The following PTPRT variants were observed in gnomAD, a reference collection of about 807,000 sequenced individuals.
PTPRT encodes the protein receptor-type tyrosine-protein phosphatase T.
A neutral mutation model predicts 176.8 loss-of-function variants in PTPRT; 56 were observed. The observed-to-expected ratio is 0.32, with a 90% confidence interval of 0.26 to 0.40. The LOEUF is 0.40. Ranked by LOEUF, PTPRT falls within the 10% of genes least tolerant of loss-of-function variation. PTPRT has a pLI of 1.00. For synonymous variants in PTPRT, 783 were observed against 739.0 expected, an observed-to-expected ratio of 1.06 and a Z score of -0.96; for missense variants, 1,540 against 1,908.2, an observed-to-expected ratio of 0.81 and a Z score of 3.60.
chr20:42,304,992 C>T (rs2057522729), intron 12 of PTPRT, among the ~76,000 whole-genome samples: 1 of 152,188 alleles, frequency 6.6e-6, no homozygotes, highest in Non-Finnish European at 1.5e-5. Context: ...CGCTAACCAC[C>T]TATACTAGGC....
At chr20:43,098,470 T>C (rs1346132334) in intron 1 of PTPRT, among the ~76,000 whole-genome samples, 1 of 152,088 alleles carries the variant, frequency 6.6e-6, no homozygotes, top group Non-Finnish European at 1.5e-5. Context: ...GAGTGCCAGG[T>C]AACTAAGTAT....
intron 26 of PTPRT, 95 bp from the exon 27 acceptor site, chr20:42,098,647 C>T (rs555123917): frequency 1.1e-5 from 17 of 1,510,406 alleles, no homozygotes; most frequent in Non-Finnish European, 1.4e-5. Flanking sequence ...GGCTCCAGAG[C>T]CTGCCAAATA....
At chr20:42,591,867 A>G (rs1366292612) in intron 7 of PTPRT, among the ~76,000 whole-genome samples, 1 of 152,088 alleles carries the variant, frequency 6.6e-6, no homozygotes, top group Non-Finnish European at 1.5e-5. Flanking sequence ...TTAAATGAGA[A>G]TAATGTATAT....
chr20:42,205,813 G>A (rs1021371417), intron 15 of PTPRT, among the ~76,000 whole-genome samples: 2 of 152,010 alleles, frequency 1.3e-5, no homozygotes, highest in Non-Finnish European at 2.9e-5. Context: ...TCAGCCATAG[G>A]AAGTGGACCA....
rs567374501 is a variant in PTPRT, at chr20:42,785,667, G to C, written c.487-5368C>G. On this transcript the variant is annotated intron_variant, in intron 3 of 30. Transcript: ENST00000373187. The stretch of plus-strand genomic sequence containing the variant: ...GCTCTCAGCCAAGGAAATGCAATGA[G>C]GCTGTAGTAGCCAATAAGGTGCAAA... Among the ~76,000 whole-genome samples, 6 of 152,320 alleles carry C rather than the reference G, an allele frequency of 3.9e-5. No individual in the cohort carries two copies. The East Asian group carries it at 1.2e-3, about 29-fold the overall frequency.
chr20:42,607,954 G>A (rs1439791525), intron 7 of PTPRT, among the ~76,000 whole-genome samples: 1 of 152,134 alleles, frequency 6.6e-6, no homozygotes, highest in African/African-American at 2.4e-5. Context: ...TGGACCAGAA[G>A]CAATGACACT....
In PTPRT at chr20:42,159,767, A is replaced by G. The variant is rs564242721; in HGVS notation, c.2682+1585T>C. Among the ~76,000 whole-genome samples, 258 of 152,322 alleles carry G rather than the reference A, an allele frequency of 1.7e-3. 2 individuals are homozygous for G. Among genetic ancestry groups the G allele is most frequent in the African/African-American group, 5.9e-3 (246 of 41,564 alleles). ...CATTTTTGTTCTTATAAATATGTCA[A>G]ACATGCCCCTTGTCACCATGTTTTA... On this transcript the variant is annotated intron_variant, in intron 17 of 30. Coordinates refer to ENST00000373187, the MANE Select transcript of PTPRT (RefSeq NM_007050.6).
In PTPRT at chr20:42,287,130, T is replaced by C. The variant is rs1313242827; in HGVS notation, c.2140-4605A>G. On this transcript the variant is annotated intron_variant, in intron 12 of 30. Coordinates refer to ENST00000373187, the MANE Select transcript of PTPRT (RefSeq NM_007050.6). ...CAGAAAAGGGAACTCTTATACATTG[T>C]TGATGGGAATGTAAACTAGTTCAGC... Among the ~76,000 whole-genome samples, 4 of 152,076 alleles carry C rather than the reference T, an allele frequency of 2.6e-5. No individual in the cohort carries two copies. In the East Asian group the frequency reaches 7.7e-4, roughly 29 times the overall value.
chr20:42,658,931 T>C (rs1189023839), intron 7 of PTPRT, among the ~76,000 whole-genome samples: 3 of 152,198 alleles, frequency 2.0e-5, no homozygotes, highest in Non-Finnish European at 4.4e-5. Flanking sequence ...AGCTCAGTTT[T>C]GTCCAGGGAG....
At chr20:42,753,110 G>T (rs1351494933) in intron 6 of PTPRT, among the ~76,000 whole-genome samples, 1 of 152,096 alleles carries the variant, frequency 6.6e-6, no homozygotes, top group Non-Finnish European at 1.5e-5. Flanking sequence ...CTGCTTGCCT[G>T]GTACCTGGGC....
chr20:42,980,174 A>C (rs1372323221), intron 1 of PTPRT, among the ~76,000 whole-genome samples: 1 of 152,214 alleles, frequency 6.6e-6, no homozygotes, highest in East Asian at 1.9e-4. Flanking sequence ...GCCTTGGAGC[A>C]GTAGCTGCCA....
chr20:42,968,259 C>T (rs765153716), intron 1 of PTPRT, among the ~76,000 whole-genome samples: 2 of 152,206 alleles, frequency 1.3e-5, no homozygotes, highest in Non-Finnish European at 2.9e-5. Context: ...GTTACAGCAA[C>T]AACGGCCACC....
intron 7 of PTPRT, among the ~76,000 whole-genome samples, chr20:42,604,135 A>T (rs1046801615): frequency 6.6e-6 from 1 of 152,196 alleles, no homozygotes; most frequent in Non-Finnish European, 1.5e-5. Context: ...TCAGGCAGAC[A>T]TGGGGCCTAA....
intron 12 of PTPRT, among the ~76,000 whole-genome samples, chr20:42,292,237 A>G (rs963695466): frequency 1.3e-5 from 2 of 152,022 alleles, no homozygotes; most frequent in African/African-American, 4.8e-5. Flanking sequence ...CTGACCCTTA[A>G]GCTATTGTTT....
intron 14 of PTPRT, among the ~76,000 whole-genome samples, chr20:42,239,618 T>C (rs994447536): frequency 2.7e-4 from 41 of 151,876 alleles, no homozygotes; most frequent in African/African-American, 9.9e-4. Flanking sequence ...GAGACGGGGT[T>C]TCACTGTGTT....
intron 1 of PTPRT, among the ~76,000 whole-genome samples, chr20:43,019,345 G>A (rs1299876103): frequency 6.6e-6 from 1 of 152,134 alleles, no homozygotes; most frequent in African/African-American, 2.4e-5. Context: ...CTGTGGCCGG[G>A]CACAGTGGCT....
At chr20:42,956,726 T>C (rs1280110773) in intron 1 of PTPRT, among the ~76,000 whole-genome samples, 1 of 152,048 alleles carries the variant, frequency 6.6e-6, no homozygotes, top group Non-Finnish European at 1.5e-5. Context: ...AGTCTCACCT[T>C]CTCCCCTAGG....
Position 42,448,312 on chromosome 20 carries a change from G to C in PTPRT, c.1468C>G (p.Leu490Val), listed in dbSNP as rs752791308. 2 of 1,612,586 alleles carry C rather than the reference G, an allele frequency of 1.2e-6. No homozygotes were observed. Among genetic ancestry groups the C allele is most frequent in the Non-Finnish European group, 1.7e-6 (2 of 1,178,702 alleles). Residue 490 changes from leucine to valine, a missense_variant, in exon 9 of 31, where the codon CTA (leucine) becomes GTA (valine). Physicochemically the swap from Leu to Val is conservative, Grantham distance 32. Transcript: ENST00000373187. ...TEEDVPGAVP[L>V]ESIQGGPFEE... is the part of the protein sequence containing the mutation. ...AAGGGCCCCCCTTGGATGGATTCTA[G>C]AGGAACAGCTCCTGGAACTACAGAA...
At chr20:42,324,928 C>A (rs1293076407) in intron 11 of PTPRT, among the ~76,000 whole-genome samples, 1 of 152,176 alleles carries the variant, frequency 6.6e-6, no homozygotes, top group Non-Finnish European at 1.5e-5. Context: ...TGCATCTTTG[C>A]TTTGCCTCTG....
Sources: gnomAD v4.1 joint callset for allele counts (sites outside exome capture counted in the v4.1 genomes callset) on GRCh38, gnomAD v4.1.1 for gene constraint, MANE v1.5 for transcripts, NCBI Gene and HGNC (gene_info 2026-07-23, HGNC 2026-07-21) for gene names.